Variants in GRIK4 observed in about 807,000 individuals in gnomAD.
GRIK4 encodes glutamate ionotropic receptor kainate type subunit 4, also known as glutamate receptor ionotropic, kainate 4.
Under a neutral mutation model 104.9 loss-of-function variants are expected in GRIK4, and 40 were observed. The observed-to-expected ratio is 0.38, with a 90% CI of 0.30 to 0.50. The LOEUF (loss-of-function observed/expected upper bound fraction) is 0.50. Ranked by LOEUF, GRIK4 falls within the 20% of genes least tolerant of loss-of-function variation. The pLI is 0.93. For missense variants in GRIK4, 1,047 were observed against 1,308.1 expected, an observed-to-expected ratio of 0.80 and a Z score of 3.08; for synonymous variants, 485 against 524.9, an observed-to-expected ratio of 0.92 and a Z score of 1.04.
At chr11:120,585,029 G>A (rs560191180) in intron 1 of GRIK4, among the ~76,000 whole-genome samples, 2 of 152,146 alleles carry the variant, frequency 1.3e-5, no homozygotes, top group East Asian at 1.9e-4. Flanking sequence ...GTCTTTTTTT[G>A]TTGTGTCTGT....
chr11:120,556,786 A>G (rs1288321059), intron 1 of GRIK4, among the ~76,000 whole-genome samples: 1 of 152,038 alleles, frequency 6.6e-6, no homozygotes, highest in Non-Finnish European at 1.5e-5. Context: ...ACAGTAATCC[A>G]TCTCCTCTCC....
At chr11:120,714,489 G>T (rs539801384) in intron 3 of GRIK4, among the ~76,000 whole-genome samples, 65 of 152,330 alleles carry the variant, frequency 4.3e-4, no homozygotes, top group Non-Finnish European at 6.0e-4. Context: ...GGGAGAAGTG[G>T]TTTTTTGCTT....
chr11:120,769,408 G>A (rs1951897948), intron 3 of GRIK4, among the ~76,000 whole-genome samples: 1 of 152,068 alleles, frequency 6.6e-6, no homozygotes, highest in African/African-American at 2.4e-5. Flanking sequence ...TGCCATTATA[G>A]CACAAAAGCA....
chr11:120,554,143 A>G (rs546272663), intron 1 of GRIK4, among the ~76,000 whole-genome samples: 1 of 152,050 alleles, frequency 6.6e-6, no homozygotes, highest in Admixed American at 6.6e-5. Context: ...AAGGCTGCCT[A>G]AGTGAAAGGC....
chr11:120,585,725 G>GTTT (rs5795236), intron 1 of GRIK4, among the ~76,000 whole-genome samples: 2 of 141,962 alleles, frequency 1.4e-5, no homozygotes, highest in Non-Finnish European at 1.5e-5. Flanking sequence ...TTTTGTTTTT[G>GTTT]TTTTTTTTTT....
chr11:120,838,496 G>A (rs1471738422), intron 8 of GRIK4, among the ~76,000 whole-genome samples: 1 of 152,140 alleles, frequency 6.6e-6, no homozygotes, highest in Non-Finnish European at 1.5e-5. Flanking sequence ...GAATTAACAG[G>A]ACTCATGGAA....
intron 19 of GRIK4, among the ~76,000 whole-genome samples, chr11:120,979,625 A>G (rs1944617569): frequency 6.6e-6 from 1 of 152,132 alleles, no homozygotes; most frequent in Admixed American, 6.5e-5. Context: ...CTTTGTCTTC[A>G]AGGAGGGAGA....
In GRIK4 at chr11:120,947,033, C is replaced by G. The variant is rs1036885868; in HGVS notation, c.1591-5822C>G. 7.2e-5 allele frequency among the ~76,000 whole-genome samples: 11 copies of G among 152,200 alleles called. 1 individual carries two copies. Among genetic ancestry groups the G allele is most frequent in the Non-Finnish European group, 7.3e-5 (5 of 68,040 alleles). ...AACAAATGGGAAAGTTTTATACTCT[C>G]TTCTTTTTCTCTTCTTAACTCTTAG... On this transcript the variant is annotated intron_variant, in intron 14 of 20. Coordinates refer to ENST00000527524, the MANE Select transcript of GRIK4 (RefSeq NM_014619.5).
chr11:120,878,703 G>A lies in GRIK4; in HGVS notation c.1164+3460G>A, dbSNP rs112114700. 2.9e-4 allele frequency among the ~76,000 whole-genome samples: 43 copies of A among 150,090 alleles called. 1 individual carries two copies. The highest frequency in any genetic ancestry group is 9.4e-4 in the African/African-American group (38 of 40,568). On this transcript the variant is annotated intron_variant, in intron 11 of 20. Transcript: ENST00000527524. ...TGTGAGTACCAAGCAAAAACTGTGC[G>A]TGATGTATCAGGGACACAGATGTAG...
rs76572292 is a variant in GRIK4, at chr11:120,568,267, A to G, written c.-159+56380A>G. On this transcript the variant is annotated intron_variant, in intron 1 of 20. Coordinates refer to ENST00000527524, the MANE Select transcript of GRIK4 (RefSeq NM_014619.5). ...GGATGCAGTCAAATGTTGCCTTATA[A>G]TAAGACAGTTTCTCCTGGTATCCTG... Among the ~76,000 whole-genome samples, 2,574 of 152,310 alleles carry G rather than the reference A, an allele frequency of 0.017. 152 individuals are homozygous for G. The East Asian group carries it at 0.19, about 11-fold the overall frequency.
At chr11:120,798,886 G>A (rs1290187325) in intron 3 of GRIK4, among the ~76,000 whole-genome samples, 2 of 152,146 alleles carry the variant, frequency 1.3e-5, no homozygotes, top group Non-Finnish European at 2.9e-5. Context: ...TAATATTGGG[G>A]GTTAGAACTT....
chr11:120,928,598 T>C (rs1943406103), intron 13 of GRIK4, among the ~76,000 whole-genome samples: 2 of 152,132 alleles, frequency 1.3e-5, no homozygotes, highest in African/African-American at 4.8e-5. Flanking sequence ...TTGAGTCAGC[T>C]TGGACCTCTG....
At chr11:120,833,569 C>T (rs1277321657) in intron 7 of GRIK4, among the ~76,000 whole-genome samples, 2 of 152,172 alleles carry the variant, frequency 1.3e-5, no homozygotes, top group African/African-American at 4.8e-5. Context: ...CTGAACAGCC[C>T]CCAGGTAGAA....
chr11:120,885,679 C>T (rs1047497931), intron 11 of GRIK4, among the ~76,000 whole-genome samples: 2 of 152,218 alleles, frequency 1.3e-5, no homozygotes. Context: ...GCCACCACGC[C>T]TGGCCAGCAA....
In GRIK4 at chr11:120,917,021, G is replaced by A. The variant is rs188337550; in HGVS notation, c.1476+11528G>A. Reference sequence around the variant, plus strand: ...AGCACTTTGGGAGGCCGAGGCGAGCGGATCACCTGAGGTCAGGAGTTCGAG... The same window carrying A: ...AGCACTTTGGGAGGCCGAGGCGAGCAGATCACCTGAGGTCAGGAGTTCGAG... On this transcript the variant is annotated intron_variant, in intron 13 of 20. Transcript: ENST00000527524. Among the ~76,000 whole-genome samples the A allele has an allele frequency of 1.2e-3, 189 of 152,036 alleles. 1 individual carries two copies. Among genetic ancestry groups the A allele is most frequent in the Middle Eastern group, 3.4e-3 (1 of 294 alleles).
At chr11:120,788,224 A>G (rs958686836) in intron 3 of GRIK4, among the ~76,000 whole-genome samples, 16 of 152,156 alleles carry the variant, frequency 1.1e-4, no homozygotes, top group African/African-American at 3.6e-4. Context: ...GCTGAGCCAC[A>G]AAAACAAAGG....
At chr11:120,609,408 A>G (rs73590044) in intron 1 of GRIK4, among the ~76,000 whole-genome samples, 15,189 of 139,862 alleles carry the variant, frequency 0.11, 1,733 homozygotes, top group African/African-American at 0.27. Context: ...ATGTGCCTCC[A>G]CTCCTGGCTG....
At chr11:120,706,938 G>A (rs1258250799) in intron 3 of GRIK4, among the ~76,000 whole-genome samples, 2 of 152,156 alleles carry the variant, frequency 1.3e-5, no homozygotes, top group African/African-American at 2.4e-5. Flanking sequence ...GTGCCATGGT[G>A]CTGTGACCTG....
intron 3 of GRIK4, among the ~76,000 whole-genome samples, chr11:120,799,363 C>T (rs553526661): frequency 1.5e-4 from 23 of 152,190 alleles, no homozygotes; most frequent in African/African-American, 5.5e-4. Flanking sequence ...TTTCAGAGGT[C>T]CAGGGGCAAG....
Sources: allele counts gnomAD v4.1 joint callset (sites outside exome capture counted in the v4.1 genomes callset), GRCh38; gene constraint gnomAD v4.1.1; transcripts MANE v1.5; gene names NCBI Gene and HGNC (gene_info 2026-07-23, HGNC 2026-07-21).